GRIK1: variants seen among roughly 807,000 people sequenced by gnomAD.
The protein encoded by GRIK1 is glutamate receptor ionotropic, kainate 1.
Under a neutral mutation model 105.7 loss-of-function variants are expected in GRIK1, and 69 were observed. The observed-to-expected ratio is 0.65, with a 90% CI of 0.54 to 0.80. The LOEUF (loss-of-function observed/expected upper bound fraction) is 0.80. Ranked by LOEUF, GRIK1 falls within the 30% of genes least tolerant of loss-of-function variation. The pLI is 0.00. For missense variants in GRIK1, 1,109 were observed against 1,167.3 expected, an observed-to-expected ratio of 0.95 and a Z score of 0.73; for synonymous variants, 438 against 431.3, an observed-to-expected ratio of 1.02 and a Z score of -0.19.
rs544339197 is a variant in GRIK1 at position 29,575,416 on chromosome 21, A to G, written c.2130+1548T>C. On this transcript the variant is annotated intron_variant, in intron 14 of 17. Coordinates refer to ENST00000327783, the MANE Select transcript of GRIK1 (RefSeq NM_001330994.2). ...ACCCTAAAAGCCCTATATCCATCTA[A>G]CAAAATGCAACTTATACCTCCTAAA... is the stretch of plus-strand genomic sequence containing the variant. Among the ~76,000 whole-genome samples, 8 of 152,334 alleles carry G rather than the reference A, an allele frequency of 5.3e-5. No individual in the cohort carries two copies. In the South Asian group the frequency reaches 1.5e-3, roughly 28 times the overall value.
chr21:29,840,948 C>G (rs543292312), intron 1 of GRIK1, among the ~76,000 whole-genome samples: 1 of 152,088 alleles, frequency 6.6e-6, no homozygotes, highest in Non-Finnish European at 1.5e-5. Context: ...GGAAATTAGA[C>G]ATGGCTTAGC....
In GRIK1 at chr21:29,570,987, TG is replaced by T. The variant is rs572364415; in HGVS notation, c.2130+5976del. Among the ~76,000 whole-genome samples, 251 of 152,302 alleles carry T rather than the reference TG, an allele frequency of 1.6e-3. 1 individual carries two copies. Among genetic ancestry groups the T allele is most frequent in the Non-Finnish European group, 2.8e-3 (190 of 68,020 alleles). On this transcript the variant is annotated intron_variant, in intron 14 of 17. Coordinates refer to ENST00000327783, the MANE Select transcript of GRIK1 (RefSeq NM_001330994.2). ...TTGATGAGCAATGTTGCTCCATATA[TG>T]AATGACCCTGAAGGAAAACTGCCAC...
At chr21:29,900,302 T>G (rs1191728534) in intron 1 of GRIK1, among the ~76,000 whole-genome samples, 1 of 151,660 alleles carries the variant, frequency 6.6e-6, no homozygotes, top group Non-Finnish European at 1.5e-5. Flanking sequence ...TAAATGTAAA[T>G]GGGCTAAATG....
At chr21:29,715,437 G>A (rs1377990685) in intron 1 of GRIK1, among the ~76,000 whole-genome samples, 1 of 152,034 alleles carries the variant, frequency 6.6e-6, no homozygotes, top group Non-Finnish European at 1.5e-5. Flanking sequence ...ATTTAAACTT[G>A]TGCCAAAATA....
chr21:29,541,043 C>CT (rs1177854248), intron 16 of GRIK1, among the ~76,000 whole-genome samples: 1 of 151,116 alleles, frequency 6.6e-6, no homozygotes, highest in Non-Finnish European at 1.5e-5. Context: ...ACTTGGCTCA[C>CT]TGCAACTTCT....
chr21:29,860,668 T>A (rs2068608369), intron 1 of GRIK1, among the ~76,000 whole-genome samples: 1 of 152,216 alleles, frequency 6.6e-6, no homozygotes, highest in African/African-American at 2.4e-5. Context: ...AGCTGAGACA[T>A]GAGTGTAATT....
At chr21:29,916,187 C>T in intron 1 of GRIK1, among the ~76,000 whole-genome samples, 1 of 151,520 alleles carries the variant, frequency 6.6e-6, no homozygotes, top group East Asian at 1.9e-4. Context: ...GAAATTTACA[C>T]AGAAAAGTAA....
intron 1 of GRIK1, among the ~76,000 whole-genome samples, chr21:29,706,890 A>T (rs2063919390): frequency 6.6e-6 from 1 of 151,758 alleles, no homozygotes; most frequent in African/African-American, 2.4e-5. Flanking sequence ...TTTGAGGCGG[A>T]GTCTCGCTCT....
intron 1 of GRIK1, among the ~76,000 whole-genome samples, chr21:29,839,231 G>A (rs1488361437): frequency 6.6e-6 from 1 of 151,946 alleles, no homozygotes; most frequent in Non-Finnish European, 1.5e-5. Flanking sequence ...TGTATTTCTA[G>A]TAGAGACAGG....
chr21:29,904,376 C>A (rs1277765090), intron 1 of GRIK1, among the ~76,000 whole-genome samples: 1 of 151,116 alleles, frequency 6.6e-6, no homozygotes, highest in African/African-American at 2.4e-5. Context: ...GAAATTGGAA[C>A]TATTATGACT....
intron 1 of GRIK1, among the ~76,000 whole-genome samples, chr21:29,757,165 C>T (rs758576928): frequency 5.9e-5 from 9 of 151,722 alleles, no homozygotes; most frequent in East Asian, 1.9e-4. Flanking sequence ...AAAAGAAATG[C>T]GAACCAGTGA....
chr21:29,870,702 T>G (rs1014878464), intron 1 of GRIK1, among the ~76,000 whole-genome samples: 1 of 152,174 alleles, frequency 6.6e-6, no homozygotes, highest in Non-Finnish European at 1.5e-5. Flanking sequence ...CAGAGCTTCT[T>G]CATACTTCAC....
At chr21:29,885,574 A>C (rs554034445) in intron 1 of GRIK1, among the ~76,000 whole-genome samples, 2 of 152,108 alleles carry the variant, frequency 1.3e-5, no homozygotes, top group Non-Finnish European at 2.9e-5. Flanking sequence ...GCTTCAAAGG[A>C]AACATTAATG....
Position 29,588,924 on chromosome 21 carries a change from T to A in GRIK1, c.1484A>T (p.Asp495Val), listed in dbSNP as rs144878857. 1.2e-6 allele frequency: 2 copies of A among 1,608,368 alleles called. No homozygotes were observed. The highest frequency in any genetic ancestry group is 2.7e-5 in the African/African-American group (2 of 74,824). ...ELSNILGFIY[D>V]VKLVPDGKYG... ...TTTGCCATCGGGAACTAGTTTAACA[T>A]CATAAATGAAACCCAGGATGTTTGA... The change falls in exon 11 of 18, where the codon GAT becomes GTT. Residue 495 changes from aspartate (D) to valine (V), a missense_variant. By Grantham distance (152) the Asp-to-Val change is radical. Coordinates refer to ENST00000327783, the MANE Select transcript of GRIK1 (RefSeq NM_001330994.2).
intron 16 of GRIK1, among the ~76,000 whole-genome samples, chr21:29,554,823 C>A (rs950348915): frequency 6.6e-6 from 1 of 152,080 alleles, no homozygotes; most frequent in African/African-American, 2.4e-5. Flanking sequence ...CCAAATAATG[C>A]TAATTGGATT....
intron 7 of GRIK1, among the ~76,000 whole-genome samples, chr21:29,618,906 T>A (rs2061914989): frequency 6.6e-6 from 1 of 151,946 alleles, no homozygotes; most frequent in Non-Finnish European, 1.5e-5. Context: ...GGTGGGCAGA[T>A]CACGAGGTCA....
chr21:29,704,484 G>T (rs531518508), intron 1 of GRIK1, among the ~76,000 whole-genome samples: 28 of 152,296 alleles, frequency 1.8e-4, no homozygotes, highest in African/African-American at 6.5e-4. Flanking sequence ...GTTCCTTGAA[G>T]ATCAGGACAG....
intron 1 of GRIK1, among the ~76,000 whole-genome samples, chr21:29,814,621 G>A (rs561992066): frequency 1.6e-4 from 25 of 152,226 alleles, no homozygotes; most frequent in African/African-American, 5.1e-4. Flanking sequence ...TAACGATTCC[G>A]ACTATGTATT....
chr21:29,658,396 G>T (rs2062896040), intron 4 of GRIK1, among the ~76,000 whole-genome samples: 1 of 152,122 alleles, frequency 6.6e-6, no homozygotes, highest in Non-Finnish European at 1.5e-5. Flanking sequence ...CTGAGTAGCT[G>T]GGATTACAGG....
Sources: gnomAD v4.1 joint callset for allele counts (sites outside exome capture counted in the v4.1 genomes callset) on GRCh38, gnomAD v4.1.1 for gene constraint, MANE v1.5 for transcripts, NCBI Gene and HGNC (gene_info 2026-07-23, HGNC 2026-07-21) for gene names.